The following SAMD12 variants were observed in gnomAD, a reference collection of about 807,000 sequenced individuals.
SAMD12 encodes the protein sterile alpha motif domain containing 12.
In SAMD12, 9 loss-of-function variants were observed where a neutral mutation model predicts 15.0. The ratio of observed to expected loss-of-function variants is 0.60; its 90% CI spans 0.36 to 1.05. The LOEUF is 1.05. SAMD12 is among the 50% of genes least tolerant of loss of function. SAMD12 has a pLI of 0.01. For synonymous variants in SAMD12, 86 were observed against 90.1 expected (o/e 0.96, Z 0.25); for missense variants, 230 against 234.2 (o/e 0.98, Z 0.12).
At chr8:118,189,343 T>A (rs1819297797), downstream of SAMD12, 1 of 152,100 alleles carries the variant, frequency 6.6e-6, no homozygotes, top group South Asian at 2.1e-4. Flanking sequence ...ACAGGGAAAG[T>A]GAAATGCTGT....
chr8:118,247,126 G>T (rs1395910479), intron 4 of SAMD12, among the ~76,000 whole-genome samples: 3 of 152,102 alleles, frequency 2.0e-5, no homozygotes, highest in African/African-American at 7.2e-5. Flanking sequence ...TGGACCTAGA[G>T]GACATATGCT....
At chr8:118,325,768 A>G (rs896115525) in intron 4 of SAMD12, among the ~76,000 whole-genome samples, 7 of 152,154 alleles carry the variant, frequency 4.6e-5, no homozygotes, top group African/African-American at 1.7e-4. Flanking sequence ...TTTATCCTTG[A>G]TTGTAGTCCT....
intron 4 of SAMD12, among the ~76,000 whole-genome samples, chr8:118,232,992 A>ACCGATCAGAGCATTTGG (rs1305398853): frequency 1.3e-5 from 2 of 152,210 alleles, no homozygotes; most frequent in Non-Finnish European, 2.9e-5. Flanking sequence ...GCTCAGAGAA[A>ACCGATCAGAGCATTTGG]CCGATCAGAG....
chr8:118,233,135 C>A (rs7017744), intron 4 of SAMD12, among the ~76,000 whole-genome samples: 6,977 of 152,184 alleles, frequency 0.046, 484 homozygotes, highest in African/African-American at 0.15. Flanking sequence ...AGTGAAGTCT[C>A]AATGTATTTG....
At chr8:118,585,356 G>A (rs1167659148) in intron 1 of SAMD12, among the ~76,000 whole-genome samples, 1 of 152,124 alleles carries the variant, frequency 6.6e-6, no homozygotes, top group Non-Finnish European at 1.5e-5. Flanking sequence ...AAACTCTCTG[G>A]AGATGGATGG....
intron 2 of SAMD12, among the ~76,000 whole-genome samples, chr8:118,547,924 C>G (rs1299720955): frequency 1.3e-5 from 2 of 152,056 alleles, no homozygotes; most frequent in African/African-American, 4.8e-5. Flanking sequence ...AACCTTCTGG[C>G]ATATAGTGAT....
intron 2 of SAMD12, among the ~76,000 whole-genome samples, chr8:118,550,262 T>C (rs1826282417): frequency 6.6e-6 from 1 of 152,150 alleles, no homozygotes; most frequent in South Asian, 2.1e-4. Context: ...GAAAAAATGT[T>C]AAGGGCAGCC....
At chr8:118,588,310 G>T (rs987379966) in intron 1 of SAMD12, among the ~76,000 whole-genome samples, 1 of 152,170 alleles carries the variant, frequency 6.6e-6, no homozygotes, top group African/African-American at 2.4e-5. Flanking sequence ...TAGAAAGGGA[G>T]CACAACATCT....
At chr8:118,590,922 G>T (rs928980000) in intron 1 of SAMD12, among the ~76,000 whole-genome samples, 5 of 152,082 alleles carry the variant, frequency 3.3e-5, no homozygotes, top group African/African-American at 1.2e-4. Context: ...AAGAACTAAA[G>T]TCTCTGCAGA....
At chr8:118,373,401 G>T (rs569096577), downstream of SAMD12, among the ~76,000 whole-genome samples, 6 of 152,210 alleles carry the variant, frequency 3.9e-5, no homozygotes, top group African/African-American at 1.4e-4. Flanking sequence ...GCCTACTTCA[G>T]TTCAGATGGC....
chr8:118,520,836 T>G (rs1433436452), intron 2 of SAMD12, among the ~76,000 whole-genome samples: 1 of 152,132 alleles, frequency 6.6e-6, no homozygotes, highest in Non-Finnish European at 1.5e-5. Context: ...ATAGTAAAAC[T>G]CCAATCAGCC....
At chr8:118,425,846 A>G (rs368929685) in intron 3 of SAMD12, among the ~76,000 whole-genome samples, 4 of 152,182 alleles carry the variant, frequency 2.6e-5, no homozygotes, top group East Asian at 3.9e-4. Flanking sequence ...TGTCTTGTCC[A>G]TTTCAGAACC....
chr8:118,553,461 G>A (rs1366565050), intron 2 of SAMD12, among the ~76,000 whole-genome samples: 37 of 152,150 alleles, frequency 2.4e-4, no homozygotes, highest in Admixed American at 2.4e-3. Flanking sequence ...AATGGTGCTG[G>A]GAAAACTTGC....
intron 1 of SAMD12, among the ~76,000 whole-genome samples, chr8:118,620,126 G>A (rs560299551): frequency 1.5e-4 from 23 of 152,162 alleles, no homozygotes; most frequent in African/African-American, 5.5e-4. Context: ...CACCCATCAC[G>A]CAAGAAATAA....
At chr8:118,445,792 C>G (rs1031469231) in intron 2 of SAMD12, among the ~76,000 whole-genome samples, 1 of 152,052 alleles carries the variant, frequency 6.6e-6, no homozygotes. Flanking sequence ...GTATAAGAGC[C>G]CCTAAAGACC....
At chr8:118,434,253 C>G (rs1822507001) in intron 3 of SAMD12, among the ~76,000 whole-genome samples, 1 of 152,110 alleles carries the variant, frequency 6.6e-6, no homozygotes, top group Non-Finnish European at 1.5e-5. Flanking sequence ...AGAACAGAGG[C>G]ATACATCTAT....
At chr8:118,418,718 CA>C (rs545742157) in intron 3 of SAMD12, among the ~76,000 whole-genome samples, 72 of 131,954 alleles carry the variant, frequency 5.5e-4, no homozygotes, top group Non-Finnish European at 4.9e-4. Context: ...GACTCCGTCT[CA>C]AAAAAAAAAA....
At chr8:118,141,208 G>A in the SAMD12 span, among the ~76,000 whole-genome samples, 8 of 152,214 alleles carry the variant, frequency 5.3e-5, no homozygotes, top group African/African-American at 1.7e-4. Context: ...CAGCTTTTAC[G>A]AAAGTCTTCA....
At chr8:118,489,913 G>T (rs1265488884) in intron 2 of SAMD12, among the ~76,000 whole-genome samples, 2 of 151,804 alleles carry the variant, frequency 1.3e-5, no homozygotes, top group Non-Finnish European at 1.5e-5. Flanking sequence ...ACTCTGGAGT[G>T]GGGGGTATAA....
Sources: allele counts gnomAD v4.1 joint callset (sites outside exome capture counted in the v4.1 genomes callset), GRCh38; gene constraint gnomAD v4.1.1; transcripts MANE v1.5; gene names NCBI Gene and HGNC (gene_info 2026-07-23, HGNC 2026-07-21).